TXLNB: variants seen among roughly 807,000 people sequenced by gnomAD.
The protein encoded by TXLNB is taxilin beta.
In TXLNB, 37 loss-of-function variants were observed where a neutral mutation model predicts 57.4. The observed-to-expected ratio is 0.64, with a 90% confidence interval of 0.50 to 0.85. The LOEUF is 0.85. Among genes scored for constraint, TXLNB ranks in the 40% least tolerant of loss-of-function variants. The probability of loss-of-function intolerance (pLI) is 0.00; values close to 1 mark genes in which losing one functional copy is unlikely to be tolerated. For synonymous variants in TXLNB, 302 were observed against 309.6 expected, an observed-to-expected ratio of 0.98 and a Z score of 0.26; for missense variants, 848 against 825.6, an observed-to-expected ratio of 1.03 and a Z score of -0.33.
intron 7 of TXLNB, among the ~76,000 whole-genome samples, chr6:139,252,767 T>G (rs1776240437): frequency 6.6e-6 from 1 of 152,160 alleles, no homozygotes; most frequent in Non-Finnish European, 1.5e-5. Flanking sequence ...CGAGGTGGGC[T>G]GATCACGAGG....
At chr6:139,169,087 G>C in the TXLNB span, among the ~76,000 whole-genome samples, 1 of 151,982 alleles carries the variant, frequency 6.6e-6, no homozygotes, top group South Asian at 2.1e-4. Context: ...GTACTCTCTT[G>C]GCCCTTTGGC....
At chr6:139,189,057 C>T in the TXLNB span, among the ~76,000 whole-genome samples, 2 of 152,196 alleles carry the variant, frequency 1.3e-5, no homozygotes, top group East Asian at 1.9e-4. Flanking sequence ...ATGCCCGGCC[C>T]AGATTTCTTT....
chr6:139,323,823 C>T, the TXLNB span, among the ~76,000 whole-genome samples: 1 of 152,194 alleles, frequency 6.6e-6, no homozygotes, highest in Non-Finnish European at 1.5e-5. Context: ...TTCCATTCCC[C>T]TACATCTGAT....
chr6:139,270,110 G>A (rs1002764704), intron 4 of TXLNB, among the ~76,000 whole-genome samples: 2 of 151,922 alleles, frequency 1.3e-5, no homozygotes, highest in African/African-American at 4.8e-5. Flanking sequence ...AAAGAACTAA[G>A]GCCCACCTTA....
chr6:139,193,743 T>C, the TXLNB span, among the ~76,000 whole-genome samples: 3 of 150,588 alleles, frequency 2.0e-5, no homozygotes, highest in African/African-American at 7.3e-5. Flanking sequence ...AACCTCCACC[T>C]CCTGGGTACA....
At chr6:139,188,803 G>A in the TXLNB span, among the ~76,000 whole-genome samples, 3 of 149,988 alleles carry the variant, frequency 2.0e-5, no homozygotes, top group South Asian at 6.2e-4. Flanking sequence ...CGCCCAGGCT[G>A]GAATACAATG....
chr6:139,201,210 A>G, the TXLNB span, among the ~76,000 whole-genome samples: 1 of 152,180 alleles, frequency 6.6e-6, no homozygotes, highest in Non-Finnish European at 1.5e-5. Context: ...GAGTTGTCCA[A>G]TTTCCTGTGA....
chr6:139,215,802 A>T, the TXLNB span, among the ~76,000 whole-genome samples: 2 of 152,210 alleles, frequency 1.3e-5, no homozygotes, highest in African/African-American at 2.4e-5. Flanking sequence ...ACCCATCAAA[A>T]AGTGGGCGAA....
chr6:139,289,265 T>C (rs182189291), intron 1 of TXLNB, among the ~76,000 whole-genome samples: 1 of 152,336 alleles, frequency 6.6e-6, no homozygotes, highest in East Asian at 1.9e-4. Context: ...AGAAAAGCAC[T>C]GTGAAAATCC....
At chr6:139,186,962 TGAGAA>T in the TXLNB span, among the ~76,000 whole-genome samples, 5 of 152,140 alleles carry the variant, frequency 3.3e-5, no homozygotes, top group South Asian at 8.3e-4. Context: ...GGAATATTAA[TGAGAA>T]GAGAAAGAAA....
chr6:139,288,771 T>C lies in TXLNB; in HGVS notation c.129A>G (p.Gln43=). 1 of 1,614,168 alleles carries C rather than the reference T, an allele frequency of 6.2e-7. No homozygotes were observed. The part of the protein sequence containing the change: ...EDGQDSPTPV[Q]PPEKEASVHP... ...GCACACTTGCCTCTTTCTCTGGTGG[T>C]TGGACTGGGGTTGGAGAATCCTGGC... The change falls in exon 2 of 10, where the codon CAA becomes CAG. Residue 43 remains glutamine (Q), a synonymous_variant. Coordinates refer to ENST00000358430, the MANE Select transcript of TXLNB (RefSeq NM_153235.4).
intron 7 of TXLNB, among the ~76,000 whole-genome samples, chr6:139,248,352 C>T (rs1283020022): frequency 2.6e-5 from 4 of 151,820 alleles, no homozygotes; most frequent in African/African-American, 9.7e-5. Context: ...AAAAATTAGC[C>T]GGGCATGGTG....
At chr6:139,282,011 C>T (rs1777064469) in intron 2 of TXLNB, among the ~76,000 whole-genome samples, 1 of 151,752 alleles carries the variant, frequency 6.6e-6, no homozygotes. Context: ...CCCCTTCCAT[C>T]TGCTTCTGTA....
chr6:139,160,758 T>C, the TXLNB span, among the ~76,000 whole-genome samples: 3 of 152,172 alleles, frequency 2.0e-5, no homozygotes, highest in African/African-American at 7.2e-5. Context: ...GTTCAAAACA[T>C]TGGAAAAAGT....
At chr6:139,267,979 C>T (rs1301514369) in intron 4 of TXLNB, among the ~76,000 whole-genome samples, 1 of 151,780 alleles carries the variant, frequency 6.6e-6, no homozygotes, top group Non-Finnish European at 1.5e-5. Context: ...GGTGAAACCC[C>T]GTCTCTACTA....
At chr6:139,252,997 C>T (rs143937734) in intron 7 of TXLNB, among the ~76,000 whole-genome samples, 2,237 of 152,140 alleles carry the variant, frequency 0.015, 58 homozygotes, top group African/African-American at 0.051. Context: ...GTCTCAAAAA[C>T]AAACAAAAAA....
chr6:139,258,559 C>T (rs1168924063), intron 6 of TXLNB, among the ~76,000 whole-genome samples: 2 of 152,184 alleles, frequency 1.3e-5, no homozygotes, highest in Non-Finnish European at 2.9e-5. Context: ...GATTATGTTG[C>T]TCAAAATTTG....
the TXLNB span, among the ~76,000 whole-genome samples, chr6:139,318,945 T>TC: frequency 6.9e-6 from 1 of 145,906 alleles, no homozygotes. Flanking sequence ...CTTCCTTTTT[T>TC]TTTTTTTTTT....
At chr6:139,257,878 A>G (rs1437732362) in intron 6 of TXLNB, among the ~76,000 whole-genome samples, 3 of 152,100 alleles carry the variant, frequency 2.0e-5, no homozygotes, top group Admixed American at 2.0e-4. Context: ...AATGGGTTGC[A>G]TTTGTTCCTC....
Sources: allele counts gnomAD v4.1 joint callset (sites outside exome capture counted in the v4.1 genomes callset), GRCh38; gene constraint gnomAD v4.1.1; transcripts MANE v1.5; gene names NCBI Gene and HGNC (gene_info 2026-07-23, HGNC 2026-07-21).